VPS8: variants seen among roughly 807,000 people sequenced by gnomAD.
VPS8 encodes vacuolar protein sorting-associated protein 8 homolog.
VPS8 carries 129 observed loss-of-function variants against 216.4 expected under a neutral mutation model. The ratio of observed to expected loss-of-function variants is 0.60; its 90% CI spans 0.52 to 0.69. VPS8 has a LOEUF of 0.69. VPS8 is among the 30% of genes least tolerant of loss of function. The pLI is 0.00. For synonymous variants in VPS8, 571 were observed against 565.4 expected (o/e 1.01, Z -0.14); for missense variants, 1,531 against 1,683.5 (o/e 0.91, Z 1.59).
At chr3:184,847,481 C>T (rs1003441477) in intron 8 of VPS8, among the ~76,000 whole-genome samples, 6 of 152,158 alleles carry the variant, frequency 3.9e-5, no homozygotes, top group Non-Finnish European at 8.8e-5. Flanking sequence ...AGTGTTAATT[C>T]ACTCATGATC....
intron 1 of VPS8, among the ~76,000 whole-genome samples, chr3:184,820,287 G>T (rs58385627): frequency 0.035 from 5,271 of 152,106 alleles, 294 homozygotes; most frequent in African/African-American, 0.12. Flanking sequence ...CTTGTCTTTC[G>T]CAGCTTCTAG....
intron 21 of VPS8, among the ~76,000 whole-genome samples, chr3:184,878,112 G>T (rs150031740): frequency 1.3e-5 from 2 of 151,772 alleles, no homozygotes; most frequent in East Asian, 3.9e-4. Context: ...AATTTTAAAA[G>T]ACCCTTTTTT....
intron 16 of VPS8, among the ~76,000 whole-genome samples, chr3:184,864,257 G>T (rs1726927375): frequency 6.6e-6 from 1 of 152,204 alleles, no homozygotes; most frequent in Non-Finnish European, 1.5e-5. Flanking sequence ...AACAAATGCT[G>T]TGAACTCTGT....
chr3:185,009,292 C>T (rs1754674498), intron 45 of VPS8, among the ~76,000 whole-genome samples: 1 of 151,200 alleles, frequency 6.6e-6, no homozygotes, highest in African/African-American at 2.4e-5. Context: ...GAAAAAAATG[C>T]AATTTTACCA....
intron 25 of VPS8, among the ~76,000 whole-genome samples, chr3:184,901,875 C>G (rs918079652): frequency 2.0e-5 from 3 of 152,122 alleles, no homozygotes; most frequent in African/African-American, 7.2e-5. Context: ...ATGGTTTTTC[C>G]TAATGCTGTA....
chr3:185,019,304 T>C (rs1362449010), intron 45 of VPS8, among the ~76,000 whole-genome samples: 1 of 151,848 alleles, frequency 6.6e-6, no homozygotes, highest in Non-Finnish European at 1.5e-5. Context: ...CGAGACCAGC[T>C]CGGTCAGGGA....
intron 45 of VPS8, among the ~76,000 whole-genome samples, chr3:185,010,256 A>G (rs1403421915): frequency 2.6e-5 from 4 of 152,234 alleles, no homozygotes; most frequent in Admixed American, 1.3e-4. Flanking sequence ...TATTTTAACC[A>G]TATCGCAGAA....
chr3:184,887,328 C>T (rs149883847), intron 22 of VPS8, among the ~76,000 whole-genome samples: 2,832 of 151,938 alleles, frequency 0.019, 92 homozygotes, highest in African/African-American at 0.066. Context: ...GCCTGGGTGA[C>T]AGAGCAAGAT....
intron 29 of VPS8, among the ~76,000 whole-genome samples, chr3:184,921,234 A>G (rs1236445176): frequency 1.3e-5 from 2 of 152,206 alleles, no homozygotes; most frequent in Admixed American, 6.5e-5. Flanking sequence ...AATTTTTCTC[A>G]TAGAAGTCTG....
In VPS8 at chr3:184,882,129, C is replaced by T. The variant is rs552602423; in HGVS notation, c.1735-3981C>T. On this transcript the variant is annotated intron_variant, in intron 21 of 47. Transcript: ENST00000625842. ...GCATTGTATTGAAGAGAGGTGAGAG[C>T]AGACATCCTTGCCTTGTTCCCAGTC... is the stretch of plus-strand genomic sequence containing the variant. Among the ~76,000 whole-genome samples the T allele has an allele frequency of 3.9e-5, 6 of 151,994 alleles. No homozygotes were observed. The South Asian group carries it at 1.2e-3, about 32-fold the overall frequency.
intron 43 of VPS8, 95 bp downstream of exon 43, chr3:184,994,158 C>A: frequency 1.1e-6 from 1 of 879,146 alleles, no homozygotes; most frequent in Middle Eastern, 3.0e-4. Flanking sequence ...AAATTACCAT[C>A]TATTTACTGG....
intron 27 of VPS8, 103 bp downstream of exon 27, chr3:184,915,156 C>T (rs528307162): frequency 1.4e-6 from 2 of 1,400,834 alleles, no homozygotes; most frequent in South Asian, 2.4e-5. Context: ...GGAGCTATCA[C>T]CTGTTGCAGG....
chr3:184,832,632 CTCATT>C, intron 3 of VPS8, 52 bp from the exon 4 acceptor site: 1 of 1,495,232 alleles, frequency 6.7e-7, no homozygotes, highest in Non-Finnish European at 9.1e-7. Context: ...TAATGCCTGA[CTCATT>C]TCATAGAGTA....
At position 184,894,834 on chromosome 3, in the gene VPS8, A is replaced by T; in HGVS notation, c.1913A>T (p.Asp638Val). ...LVGITPQVMK[D>V]LIVHFQDKKL... ...GGAATCACACCCCAAGTAATGAAAGACTTGATTGTTCATTTCCAAGATAAA... is the reference window on the plus strand; with the variant it reads ...GGAATCACACCCCAAGTAATGAAAGTCTTGATTGTTCATTTCCAAGATAAA... The change falls in exon 23 of 48, where the codon GAC becomes GTC. Residue 638 changes from aspartate to valine, a missense_variant. By Grantham distance (152) the Asp-to-Val change is radical. This residue lies in a region of VPS8 where 1,318 missense variants were observed against 1,468.4 expected (regional missense o/e 0.90). Transcript: ENST00000625842. 1 of 1,610,624 alleles carries T rather than the reference A, an allele frequency of 6.2e-7. No individual in the cohort carries two copies. Among genetic ancestry groups the T allele is most frequent in the Non-Finnish European group, 8.5e-7 (1 of 1,178,276 alleles).
intron 15 of VPS8, among the ~76,000 whole-genome samples, chr3:184,862,026 C>T (rs1168222325): frequency 6.6e-6 from 1 of 152,048 alleles, no homozygotes; most frequent in African/African-American, 2.4e-5. Context: ...GGCTAATATA[C>T]AGTAATAGAG....
At chr3:184,966,156 G>A (rs1370723193) in intron 38 of VPS8, among the ~76,000 whole-genome samples, 2 of 152,144 alleles carry the variant, frequency 1.3e-5, no homozygotes, top group Non-Finnish European at 2.9e-5. Flanking sequence ...GTGTCACATG[G>A]CATGAGAGGG....
chr3:185,013,925 A>G (rs965915545), intron 45 of VPS8, among the ~76,000 whole-genome samples: 5 of 152,160 alleles, frequency 3.3e-5, no homozygotes, highest in East Asian at 1.9e-4. Flanking sequence ...CTGCAATGCA[A>G]TCTTCCCAAA....
intron 35 of VPS8, among the ~76,000 whole-genome samples, chr3:184,937,121 T>A (rs1178358431): frequency 6.6e-6 from 1 of 152,186 alleles, no homozygotes; most frequent in African/African-American, 2.4e-5. Flanking sequence ...TCTTGGAAAA[T>A]CTTAACTGGA....
chr3:184,876,399 G>A (rs574994100), intron 21 of VPS8, among the ~76,000 whole-genome samples: 1 of 151,836 alleles, frequency 6.6e-6, no homozygotes, highest in South Asian at 2.1e-4. Context: ...GACTCTCTGG[G>A]ATTGGTGACC....
Sources: gnomAD v4.1 joint callset for allele counts (sites outside exome capture counted in the v4.1 genomes callset) on GRCh38, gnomAD v4.1.1 for gene constraint, gnomAD v4.1.1 regional missense constraint, MANE v1.5 for transcripts, NCBI Gene and HGNC (gene_info 2026-07-23, HGNC 2026-07-21) for gene names.